MYBL2: variants seen among roughly 807,000 people sequenced by gnomAD.
The protein encoded by MYBL2 is MYB proto-oncogene like 2, also known as myb-related protein B.
A neutral mutation model predicts 79.9 loss-of-function variants in MYBL2; 28 were observed. The ratio of observed to expected loss-of-function variants is 0.35; its 90% CI spans 0.26 to 0.48. MYBL2 has a LOEUF of 0.48. Among genes scored for constraint, MYBL2 ranks in the 20% least tolerant of loss-of-function variants. The probability of loss-of-function intolerance (pLI) is 0.99; values close to 1 mark genes in which losing one functional copy is unlikely to be tolerated. For missense variants in MYBL2, 735 were observed against 893.9 expected (o/e 0.82, Z 2.27); for synonymous variants, 378 against 361.2 (o/e 1.05, Z -0.53).
Position 43,699,900 on chromosome 20 carries a change from C to T in MYBL2, c.807C>T (p.Pro269=), listed in dbSNP as rs1987641468. ...TDLDAVRTPE[P]LEEFPKREDQ... is the part of the protein sequence containing the mutation. ...TGGACGCAGTGCGAACACCAGAGCC[C>T]TTGGAGGAATTCCCGAAGCGTGAGG... The change falls in exon 7 of 14, where the codon CCC becomes CCT. Residue 269 remains proline, a synonymous_variant. Coordinates refer to ENST00000217026, the MANE Select transcript of MYBL2 (RefSeq NM_002466.4). 6.2e-7 allele frequency: 1 copy of T among 1,614,088 alleles called. No homozygotes were observed. Among genetic ancestry groups the T allele is most frequent in the African/African-American group, 1.3e-5 (1 of 75,040 alleles).
intron 6 of MYBL2, among the ~76,000 whole-genome samples, chr20:43,697,804 A>G (rs367790342): frequency 1.6e-4 from 24 of 148,846 alleles, no homozygotes; most frequent in African/African-American, 5.5e-4. Flanking sequence ...AGTCCCAGCT[A>G]CTAGGGAGGC....
chr20:43,702,668 C>G lies in MYBL2; in HGVS notation c.1130C>G (p.Thr377Ser). ...ACCGAGTACCGCCTGGATGGCCACACCATCTCAGACCTGAGCCGGAGCAGC... is the reference window on the plus strand; with the variant it reads ...ACCGAGTACCGCCTGGATGGCCACAGCATCTCAGACCTGAGCCGGAGCAGC... Reference protein sequence around the residue: ...SVTEYRLDGHTISDLSRSSRG... With the variant: ...SVTEYRLDGHSISDLSRSSRG... Residue 377 changes from threonine to serine, a missense_variant, in exon 8 of 14, where the codon ACC becomes AGC. This residue lies in a region of MYBL2 where 243 missense variants were observed against 327.2 expected (regional missense o/e 0.74). Coordinates refer to ENST00000217026, the MANE Select transcript of MYBL2 (RefSeq NM_002466.4). The G allele has an allele frequency of 6.2e-7, 1 of 1,614,020 alleles. No individual in the cohort carries two copies. The highest frequency in any genetic ancestry group is 1.1e-5 in the South Asian group (1 of 91,076).
Position 43,667,139 on chromosome 20 carries a change from C to A in MYBL2, c.-145C>A. ...GACTGCAGTTCCTGCGAGCGAGGAG[C>A]GCGGGACCTGCTGACACGCTGACGC... On this transcript the variant is annotated 5_prime_UTR_variant, in exon 1 of 14. Coordinates refer to ENST00000217026, the MANE Select transcript of MYBL2 (RefSeq NM_002466.4). 2.9e-6 allele frequency: 1 copy of A among 349,500 alleles called. No homozygotes were observed. Among genetic ancestry groups the A allele is most frequent in the African/African-American group, 2.2e-5 (1 of 46,056 alleles). 21.6% of individuals were successfully genotyped at this position (349,500 alleles called of 1,614,324 possible).
chr20:43,690,154 G>A (rs1328636935), intron 5 of MYBL2, among the ~76,000 whole-genome samples: 1 of 152,052 alleles, frequency 6.6e-6, no homozygotes, highest in African/African-American at 2.4e-5. Flanking sequence ...GGGAACTCCT[G>A]GGGCATCTTC....
intron 1 of MYBL2, among the ~76,000 whole-genome samples, chr20:43,668,792 A>T (rs1337445649): frequency 1.3e-5 from 2 of 149,220 alleles, no homozygotes; most frequent in African/African-American, 2.5e-5. Flanking sequence ...GGTTCAAGTG[A>T]TCTTCCCAAC....
chr20:43,694,823 C>T (rs1053225204), intron 6 of MYBL2, among the ~76,000 whole-genome samples: 1 of 152,154 alleles, frequency 6.6e-6, no homozygotes, highest in Non-Finnish European at 1.5e-5. Flanking sequence ...AAAAGGTCTC[C>T]GTTCCACAAA....
At position 43,685,175 on chromosome 20, in the gene MYBL2, AATTT is replaced by A. The variant is rs1600548947; in HGVS notation, c.280-1660_280-1657del. 6.6e-5 allele frequency among the ~76,000 whole-genome samples: 10 copies of A among 150,746 alleles called. 1 individual carries two copies. The East Asian group carries it at 2.0e-3, about 30-fold the overall frequency. ...AAAAAAAAAAAAAAGAATGAAATAA[AATTT>A]ATTTATTTATTTATTTTTGAGATGG... is the stretch of plus-strand genomic sequence containing the variant. On this transcript the variant is annotated intron_variant, in intron 4 of 13. Transcript: ENST00000217026.
intron 5 of MYBL2, among the ~76,000 whole-genome samples, chr20:43,688,209 T>C (rs1382527211): frequency 6.6e-6 from 1 of 151,486 alleles, no homozygotes; most frequent in Non-Finnish European, 1.5e-5. Flanking sequence ...TTATTTATTC[T>C]TTTTTTTGGG....
chr20:43,700,204 G>C (rs35267363), intron 7 of MYBL2, among the ~76,000 whole-genome samples, 160 bp downstream of exon 7: 79 of 152,166 alleles, frequency 5.2e-4, no homozygotes, highest in Non-Finnish European at 9.6e-4. Flanking sequence ...GGACACCAGG[G>C]TTGTCAGCAT....
chr20:43,680,732 A>G (rs1386440976), intron 2 of MYBL2, among the ~76,000 whole-genome samples: 1 of 152,116 alleles, frequency 6.6e-6, no homozygotes, highest in African/African-American at 2.4e-5. Flanking sequence ...TGACCTCGTG[A>G]TCTGCCCACC....
At chr20:43,692,473 A>G (rs895016551) in intron 6 of MYBL2, among the ~76,000 whole-genome samples, 154 bp downstream of exon 6, 1 of 152,190 alleles carries the variant, frequency 6.6e-6, no homozygotes, top group African/African-American at 2.4e-5. Flanking sequence ...TTCTGCACAT[A>G]ACTGGCACTT....
intron 6 of MYBL2, among the ~76,000 whole-genome samples, chr20:43,693,877 C>T (rs1987472092): frequency 1.3e-5 from 2 of 151,974 alleles, no homozygotes; most frequent in South Asian, 2.1e-4. Context: ...ATGGTGAAAC[C>T]CCATTTCTAT....
At chr20:43,689,365 C>G (rs1371563583) in intron 5 of MYBL2, among the ~76,000 whole-genome samples, 1 of 152,190 alleles carries the variant, frequency 6.6e-6, no homozygotes, top group Non-Finnish European at 1.5e-5. Context: ...GTTGGAAACT[C>G]TGGCTTCTTT....
chr20:43,684,673 C>A (rs1987225357), intron 4 of MYBL2, among the ~76,000 whole-genome samples: 1 of 151,660 alleles, frequency 6.6e-6, no homozygotes, highest in Admixed American at 6.6e-5. Context: ...ATGGCTGGCA[C>A]TTCGCCTTAA....
In MYBL2 at chr20:43,693,325, T is replaced by TCTGG. The variant is rs1987456868; in HGVS notation, c.663+1008_663+1011dup. On this transcript the variant is annotated intron_variant, in intron 6 of 13. Transcript: ENST00000217026. ...GGGATTACAGATGTGAGCCACCATG[T>TCTGG]CTGGCACTACATTTGCAGTTTTTAT... Among the ~76,000 whole-genome samples, 3 of 152,066 alleles carry TCTGG rather than the reference T, an allele frequency of 2.0e-5. No homozygotes were observed. In the South Asian group the frequency reaches 6.2e-4, roughly 32 times the overall value.
chr20:43,711,909 C>A (rs1987916487), intron 11 of MYBL2, among the ~76,000 whole-genome samples: 1 of 152,154 alleles, frequency 6.6e-6, no homozygotes, highest in Non-Finnish European at 1.5e-5. Flanking sequence ...GACTGGATCT[C>A]CCCTTAGTGT....
intron 4 of MYBL2, among the ~76,000 whole-genome samples, chr20:43,684,703 C>T (rs1159437837): frequency 6.6e-6 from 1 of 151,628 alleles, no homozygotes; most frequent in Non-Finnish European, 1.5e-5. Flanking sequence ...TTAAGTAACT[C>T]GGCGTGGTGG....
intron 2 of MYBL2, among the ~76,000 whole-genome samples, chr20:43,674,234 CTTT>C (rs1555809925): frequency 6.9e-5 from 5 of 72,224 alleles, no homozygotes; most frequent in African/African-American, 1.7e-4. Flanking sequence ...TCCCCCCACC[CTTT>C]TTTTTTTTTT....
chr20:43,700,960 C>T (rs1987663706), intron 7 of MYBL2, among the ~76,000 whole-genome samples: 1 of 152,154 alleles, frequency 6.6e-6, no homozygotes, highest in South Asian at 2.1e-4. Context: ...ATTACAGTAC[C>T]TAACATTGGA....
Sources: gnomAD v4.1 joint callset for allele counts (sites outside exome capture counted in the v4.1 genomes callset) on GRCh38, gnomAD v4.1.1 for gene constraint, gnomAD v4.1.1 regional missense constraint, MANE v1.5 for transcripts, NCBI Gene and HGNC (gene_info 2026-07-23, HGNC 2026-07-21) for gene names.